ZNF184: variants seen among roughly 807,000 people sequenced by gnomAD.
The protein encoded by ZNF184 is zinc finger protein 184, also known as zinc finger protein 184 (Kruppel-like).
In ZNF184, 16 loss-of-function variants were observed where a neutral mutation model predicts 54.4. The ratio of observed to expected loss-of-function variants is 0.29; its 90% confidence interval spans 0.20 to 0.45. ZNF184 has a LOEUF of 0.45. ZNF184 is among the 20% of genes least tolerant of loss of function. ZNF184 has a pLI of 1.00. For synonymous variants in ZNF184, 254 were observed against 295.3 expected (o/e 0.86, Z 1.43); for missense variants, 681 against 888.2 (o/e 0.77, Z 2.97).
At chr6:27,417,606 C>A in the ZNF184 span, among the ~76,000 whole-genome samples, 2 of 152,122 alleles carry the variant, frequency 1.3e-5, no homozygotes, top group African/African-American at 4.8e-5. Flanking sequence ...TAATCATGCA[C>A]ACATCCTTTC....
At chr6:27,414,434 GTGGTCC>G in the ZNF184 span, among the ~76,000 whole-genome samples, 8 of 152,116 alleles carry the variant, frequency 5.3e-5, no homozygotes, top group African/African-American at 1.9e-4. Flanking sequence ...CCCACATAGT[GTGGTCC>G]TTCATGACCT....
the ZNF184 span, among the ~76,000 whole-genome samples, chr6:27,419,049 T>A: frequency 1.3e-5 from 2 of 152,134 alleles, no homozygotes; most frequent in African/African-American, 4.8e-5. This position sits in a 1 kb window ranked among gnomAD's most constrained non-coding sequence, Gnocchi z 4.8. Context: ...TGAACTTTTT[T>A]TTCTATATTC....
In ZNF184 at chr6:27,472,377, G is replaced by A; in HGVS notation, c.-83C>T. On this transcript the variant is annotated 5_prime_UTR_variant, in exon 2 of 6. Transcript: ENST00000683788. The surrounding 1 kb of genome is among the most constrained non-coding windows in gnomAD (Gnocchi z 4.8). ...TCCTTCAGCTGGTATCTCGGTCTAGGACTCAGATGTCTAACTCCCCTTGCA... is the reference window on the plus strand; with the variant it reads ...TCCTTCAGCTGGTATCTCGGTCTAGAACTCAGATGTCTAACTCCCCTTGCA... The A allele has an allele frequency of 6.3e-7, 1 of 1,584,516 alleles. No homozygotes were observed. Among genetic ancestry groups the A allele is most frequent in the Admixed American group, 1.7e-5 (1 of 59,436 alleles).
At chr6:27,463,069 AAAAAGAG>A (rs1180180539) in intron 3 of ZNF184, among the ~76,000 whole-genome samples, 1 of 132,194 alleles carries the variant, frequency 7.6e-6, no homozygotes, top group African/African-American at 2.8e-5. Flanking sequence ...AAAAAAAAAA[AAAAAGAG>A]AGAACACATG....
At chr6:27,426,793 A>C in the ZNF184 span, among the ~76,000 whole-genome samples, 1 of 152,180 alleles carries the variant, frequency 6.6e-6, no homozygotes, top group Non-Finnish European at 1.5e-5. The surrounding 1 kb of genome is among the most constrained non-coding windows in gnomAD (Gnocchi z 4.2). Context: ...ATAGCCTCTT[A>C]AATTTGACCT....
the ZNF184 span, among the ~76,000 whole-genome samples, chr6:27,445,382 C>T: frequency 6.6e-6 from 1 of 152,136 alleles, no homozygotes; most frequent in Non-Finnish European, 1.5e-5. Flanking sequence ...TTGAATGTCT[C>T]CTCCAAAACT....
the ZNF184 span, among the ~76,000 whole-genome samples, chr6:27,441,732 G>T: frequency 6.6e-6 from 1 of 151,960 alleles, no homozygotes; most frequent in African/African-American, 2.4e-5. Flanking sequence ...CATAATCCAG[G>T]GCCTTGAAAC....
At chr6:27,433,283 T>C in the ZNF184 span, among the ~76,000 whole-genome samples, 21 of 152,342 alleles carry the variant, frequency 1.4e-4, no homozygotes, top group African/African-American at 4.3e-4. Context: ...CTCACCAAAA[T>C]CACATGCACC....
the ZNF184 span, among the ~76,000 whole-genome samples, chr6:27,417,547 G>A: frequency 1.3e-5 from 2 of 152,160 alleles, no homozygotes; most frequent in Non-Finnish European, 2.9e-5. Context: ...TCAGAACTTT[G>A]AGAAATCCTG....
chr6:27,422,199 A>AGAAAGAAAGAAAGAAG, the ZNF184 span, among the ~76,000 whole-genome samples: 1 of 98,050 alleles, frequency 1.0e-5, no homozygotes, highest in Admixed American at 1.2e-4. Flanking sequence ...AAAGAAAGAA[A>AGAAAGAAAGAAAGAAG]GAAAGAAAGA....
downstream of ZNF184, among the ~76,000 whole-genome samples, chr6:27,448,192 C>T (rs1442345731): frequency 3.3e-5 from 5 of 152,176 alleles, no homozygotes; most frequent in Non-Finnish European, 7.3e-5. Context: ...CATGGTAAAT[C>T]CTTTCAAGTT....
rs775859798 is a variant in ZNF184 at position 27,451,815 on chromosome 6, C to T, written c.1744G>A (p.Gly582Arg). 3.1e-6 allele frequency: 5 copies of T among 1,613,530 alleles called. No individual in the cohort carries two copies. Among genetic ancestry groups the T allele is most frequent in the Non-Finnish European group, 4.2e-6 (5 of 1,180,018 alleles). ...SLIQHRKIHT[G>R]ERPYKCNECG... ...TCATTACACTTGTAAGGTCGTTCTC[C>T]AGTATGGATCTTCCTATGCTGAATA... The change falls in exon 6 of 6, where the codon GGA becomes AGA. Residue 582 changes from glycine to arginine, a missense_variant. Transcript: ENST00000683788.
At position 27,452,046 on chromosome 6, in the gene ZNF184, T is replaced by C. The variant is rs1762740722; in HGVS notation, c.1513A>G (p.Ser505Gly). ...TAACTGAAAGCCTTTCCACATTCACTGCATTCAAAGGGCTTTTCTCTCGTG... is the reference window on the plus strand; with the variant it reads ...TAACTGAAAGCCTTTCCACATTCACCGCATTCAAAGGGCTTTTCTCTCGTG... ...IHTREKPFEC[S>G]ECGKAFSYLS... The change falls in exon 6 of 6, where the codon AGT (serine) becomes GGT (glycine). Residue 505 changes from serine to glycine, a missense_variant. Transcript: ENST00000683788. This position sits in a 1 kb window ranked among gnomAD's most constrained non-coding sequence, Gnocchi z 5.5. The C allele has an allele frequency of 6.2e-7, 1 of 1,613,924 alleles. No individual in the cohort carries two copies. The highest frequency in any genetic ancestry group is 8.5e-7 in the Non-Finnish European group (1 of 1,180,022).
chr6:27,408,129 A>C, the ZNF184 span: 24 of 678,086 alleles, frequency 3.5e-5, no homozygotes, highest in South Asian at 3.7e-4. Context: ...GCAGTTTGTT[A>C]CACTGGGGTG....
the ZNF184 span, among the ~76,000 whole-genome samples, chr6:27,408,756 T>C: frequency 1.3e-5 from 2 of 152,234 alleles, no homozygotes; most frequent in Non-Finnish European, 2.9e-5. Context: ...TTCTAATCAA[T>C]AGTATTTTAG....
the ZNF184 span, among the ~76,000 whole-genome samples, chr6:27,439,891 A>C: frequency 6.6e-6 from 1 of 152,156 alleles, no homozygotes; most frequent in African/African-American, 2.4e-5. Context: ...TGTAATACTA[A>C]TCTTGTATGA....
the ZNF184 span, among the ~76,000 whole-genome samples, chr6:27,423,648 A>ACAAAACAC: frequency 2.0e-5 from 3 of 151,762 alleles, no homozygotes; most frequent in African/African-American, 7.3e-5. Context: ...AAAAAACAAA[A>ACAAAACAC]AACAAAACAC....
Position 27,472,361 on chromosome 6 carries a change from T to C in ZNF184, c.-67A>G, listed in dbSNP as rs1220653253. 1 of 1,610,540 alleles carries C rather than the reference T, an allele frequency of 6.2e-7. No homozygotes were observed. The highest frequency in any genetic ancestry group is 8.5e-7 in the Non-Finnish European group (1 of 1,177,320). On this transcript the variant is annotated 5_prime_UTR_variant, in exon 2 of 6. Transcript: ENST00000683788. This position sits in a 1 kb window ranked among gnomAD's most constrained non-coding sequence, Gnocchi z 4.8. ...GTTCGCCAGGCAGCGTTCCTTCAGC[T>C]GGTATCTCGGTCTAGGACTCAGATG... is the stretch of plus-strand genomic sequence containing the variant.
chr6:27,454,476 A>C (rs549121188), intron 5 of ZNF184, among the ~76,000 whole-genome samples: 2 of 152,260 alleles, frequency 1.3e-5, no homozygotes, highest in African/African-American at 4.8e-5. Flanking sequence ...ATATGTTTTC[A>C]TCAACAGAAA....
Sources: gnomAD v4.1 joint callset for allele counts (sites outside exome capture counted in the v4.1 genomes callset) on GRCh38, gnomAD v4.1.1 for gene constraint, Gnocchi (gnomAD v3.1) non-coding constraint, MANE v1.5 for transcripts, NCBI Gene and HGNC (gene_info 2026-07-23, HGNC 2026-07-21) for gene names.